Variants in SGCZ observed in about 807,000 individuals in gnomAD.
SGCZ encodes the protein zeta-sarcoglycan.
Under a neutral mutation model 41.3 loss-of-function variants are expected in SGCZ, and 40 were observed. That is an observed-to-expected ratio of 0.97 (90% CI 0.75 to 1.26). SGCZ has a LOEUF of 1.26. Ranked by LOEUF, SGCZ falls within the 50% of genes most tolerant of loss-of-function variation. The probability of loss-of-function intolerance (pLI) is 0.00; values close to 1 mark genes in which losing one functional copy is unlikely to be tolerated. For missense variants in SGCZ, 552 were observed against 369.8 expected (o/e 1.49, Z -4.04); for synonymous variants, 206 against 137.5 (o/e 1.50, Z -3.49).
chr8:14,446,059 G>A (rs960747142), intron 2 of SGCZ, among the ~76,000 whole-genome samples: 2 of 152,140 alleles, frequency 1.3e-5, no homozygotes, highest in African/African-American at 4.8e-5. Flanking sequence ...TGAAGAAGGG[G>A]ACAAGAAAAA....
intron 1 of SGCZ, among the ~76,000 whole-genome samples, chr8:15,153,519 C>A (rs973380496): frequency 7.2e-5 from 11 of 152,026 alleles, no homozygotes; most frequent in Non-Finnish European, 1.5e-4. Flanking sequence ...TGAAATGTAA[C>A]CCCCAATGAT....
intron 1 of SGCZ, among the ~76,000 whole-genome samples, chr8:14,846,245 T>C (rs1043562092): frequency 3.0e-4 from 45 of 152,100 alleles, no homozygotes; most frequent in Admixed American, 1.6e-3. Context: ...GGAAGAAAGT[T>C]TGCAAATTGA....
rs1257963900 is a variant in SGCZ at position 14,237,543 on chromosome 8, C to A, written c.424+49G>T. ...AAGAACCAAAAACCAAAAACAACAACAAAAAAAACCAAGCACAGTAGGAGC... is the reference window on the plus strand; with the variant it reads ...AAGAACCAAAAACCAAAAACAACAAAAAAAAAAACCAAGCACAGTAGGAGC... On this transcript the variant is annotated intron_variant, in intron 4 of 7. Coordinates refer to ENST00000382080, the MANE Select transcript of SGCZ (RefSeq NM_139167.4). 2.6e-5 allele frequency: 39 copies of A among 1,526,120 alleles called. No individual in the cohort carries two copies. The South Asian group carries it at 3.7e-4, about 15-fold the overall frequency. 94.5% of individuals were successfully genotyped at this position (1,526,120 alleles called of 1,614,324 possible).
intron 3 of SGCZ, among the ~76,000 whole-genome samples, chr8:14,286,982 TC>T (rs1276876186): frequency 2.6e-5 from 4 of 152,020 alleles, no homozygotes; most frequent in South Asian, 2.1e-4. Context: ...TTAGTTTTTT[TC>T]CCCTACTTGT....
chr8:14,831,780 G>A (rs201100510), intron 1 of SGCZ, among the ~76,000 whole-genome samples: 122 of 16,856 alleles, frequency 7.2e-3, no homozygotes, highest in South Asian at 0.03. Context: ...ATACACACAC[G>A]TATATATGTG....
chr8:14,680,973 A>AAAAAAAAC (rs1410324867), intron 1 of SGCZ, among the ~76,000 whole-genome samples: 3 of 150,866 alleles, frequency 2.0e-5, no homozygotes, highest in Non-Finnish European at 4.4e-5. Context: ...GGAAAAAAAA[A>AAAAAAAAC]AAAAAAAACA....
intron 1 of SGCZ, among the ~76,000 whole-genome samples, chr8:14,737,914 T>C (rs1799093748): frequency 6.6e-6 from 1 of 152,120 alleles, no homozygotes; most frequent in African/African-American, 2.4e-5. Context: ...TTTAGATACA[T>C]TATTTTATTC....
intron 2 of SGCZ, among the ~76,000 whole-genome samples, chr8:14,391,419 C>G (rs963040182): frequency 6.6e-6 from 1 of 151,844 alleles, no homozygotes; most frequent in Admixed American, 6.6e-5. Flanking sequence ...TGTTGTATAC[C>G]TATATACTAA....
chr8:14,740,837 CA>C (rs762983139), intron 1 of SGCZ, among the ~76,000 whole-genome samples: 9 of 151,982 alleles, frequency 5.9e-5, no homozygotes, highest in Admixed American at 2.6e-4. Flanking sequence ...GATGTAAGGG[CA>C]AACACCAAGT....
chr8:14,915,598 TG>T (rs1424519050), intron 1 of SGCZ, among the ~76,000 whole-genome samples: 1 of 152,112 alleles, frequency 6.6e-6, no homozygotes, highest in African/African-American at 2.4e-5. Context: ...ACCGATCAAC[TG>T]GAAAGCCCAT....
chr8:14,313,490 T>C (rs1258021818), intron 3 of SGCZ, among the ~76,000 whole-genome samples: 2 of 152,072 alleles, frequency 1.3e-5, no homozygotes, highest in Non-Finnish European at 2.9e-5. Flanking sequence ...CTAATTTTTG[T>C]ATTTTTAGTA....
intron 1 of SGCZ, among the ~76,000 whole-genome samples, chr8:14,828,536 A>G (rs896580792): frequency 1.3e-5 from 2 of 152,244 alleles, no homozygotes; most frequent in African/African-American, 4.8e-5. Context: ...ATCCTGAAGC[A>G]CTTCCTCTAA....
At chr8:14,760,359 A>T (rs1246857827) in intron 1 of SGCZ, among the ~76,000 whole-genome samples, 1 of 152,204 alleles carries the variant, frequency 6.6e-6, no homozygotes, top group Non-Finnish European at 1.5e-5. Context: ...CTGCCATTTG[A>T]TGAGGACTTG....
At chr8:14,184,504 T>C (rs1272058596) in intron 4 of SGCZ, among the ~76,000 whole-genome samples, 1 of 152,180 alleles carries the variant, frequency 6.6e-6, no homozygotes, top group Non-Finnish European at 1.5e-5. Flanking sequence ...GAATAAGATA[T>C]AAAGTTTCTG....
chr8:14,100,559 A>AT (rs1801985378), intron 7 of SGCZ, among the ~76,000 whole-genome samples: 1 of 23,168 alleles, frequency 4.3e-5, no homozygotes, highest in African/African-American at 9.4e-5. Flanking sequence ...AGATTAATAT[A>AT]TTATATATTA....
At position 14,723,785 on chromosome 8, in the gene SGCZ, C is replaced by T. The variant is rs118091765; in HGVS notation, c.40-168859G>A. On this transcript the variant is annotated intron_variant, in intron 1 of 7. Coordinates refer to ENST00000382080, the MANE Select transcript of SGCZ (RefSeq NM_139167.4). ...ATTTATATGAGTTTTATGTTATCTACGTATTACATACTATATGTATATAAT... is the reference window on the plus strand; with the variant it reads ...ATTTATATGAGTTTTATGTTATCTATGTATTACATACTATATGTATATAAT... 3.4e-4 allele frequency among the ~76,000 whole-genome samples: 52 copies of T among 151,764 alleles called. 1 individual carries two copies. In the East Asian group the frequency reaches 8.7e-3, roughly 25 times the overall value.
intron 2 of SGCZ, among the ~76,000 whole-genome samples, chr8:14,527,309 T>A (rs946061700): frequency 6.6e-6 from 1 of 152,286 alleles, no homozygotes; most frequent in Non-Finnish European, 1.5e-5. Flanking sequence ...TCAGTTTGTT[T>A]GTTTGTTTGA....
At chr8:15,193,753 A>G (rs868514251) in intron 1 of SGCZ, among the ~76,000 whole-genome samples, 2 of 152,210 alleles carry the variant, frequency 1.3e-5, no homozygotes, top group Non-Finnish European at 2.9e-5. Context: ...GAATACTTCA[A>G]TATATGAAAA....
rs1801558212 is a variant in SGCZ at position 14,087,575 on chromosome 8, AT to A, written c.*2867del. On this transcript the variant is annotated 3_prime_UTR_variant, in exon 8 of 8. Coordinates refer to ENST00000382080, the MANE Select transcript of SGCZ (RefSeq NM_139167.4). ...CCATGTAGTACACTATAAAGGACTC[AT>A]TTTTCTCAGTGTCATTTGGGGAAGA... Among the ~76,000 whole-genome samples the A allele has an allele frequency of 6.6e-6, 1 of 151,572 alleles. No homozygotes were observed. Among genetic ancestry groups the A allele is most frequent in the Non-Finnish European group, 1.5e-5 (1 of 67,732 alleles).
Sources: gnomAD v4.1 joint callset for allele counts (sites outside exome capture counted in the v4.1 genomes callset) on GRCh38, gnomAD v4.1.1 for gene constraint, MANE v1.5 for transcripts, NCBI Gene and HGNC (gene_info 2026-07-23, HGNC 2026-07-21) for gene names.